ABCC9: variants seen among roughly 807,000 people sequenced by gnomAD.
The protein encoded by ABCC9 is ATP binding cassette subfamily C member 9, also known as ATP-binding cassette sub-family C member 9.
A neutral mutation model predicts 188.3 loss-of-function variants in ABCC9; 95 were observed. The ratio of observed to expected loss-of-function variants is 0.50; its 90% CI spans 0.43 to 0.60. The LOEUF is 0.60. ABCC9 is among the 20% of genes least tolerant of loss of function. The pLI is 0.00. For missense variants in ABCC9, 1,102 were observed against 1,876.3 expected, an observed-to-expected ratio of 0.59 and a Z score of 7.62; for synonymous variants, 659 against 652.7, an observed-to-expected ratio of 1.01 and a Z score of -0.15.
chr12:21,938,023 C>T (rs923093864), intron 2 of ABCC9: 6 of 152,164 alleles, frequency 3.9e-5, no homozygotes, highest in Non-Finnish European at 8.8e-5. Context: ...AGTACCTTTT[C>T]TTTCTTTCCT....
chr12:21,805,962 CA>C (rs1941809222), intron 39 of ABCC9, 35 bp downstream of exon 39: 1 of 1,603,242 alleles, frequency 6.2e-7, no homozygotes, highest in African/African-American at 1.3e-5. Flanking sequence ...GAACAAAAAC[CA>C]AAGAGGTATA....
chr12:21,888,414 G>A (rs1946987659), intron 14 of ABCC9, among the ~76,000 whole-genome samples: 1 of 151,944 alleles, frequency 6.6e-6, no homozygotes, highest in Non-Finnish European at 1.5e-5. Context: ...TGGAATCCTT[G>A]GCCACTGTGT....
At chr12:21,890,714 G>C (rs536372792) in intron 14 of ABCC9, among the ~76,000 whole-genome samples, 4 of 151,340 alleles carry the variant, frequency 2.6e-5, no homozygotes, top group African/African-American at 9.7e-5. Context: ...GCAAACTATC[G>C]CAAGGACAAA....
At chr12:21,913,865 C>A (rs568080224) in intron 7 of ABCC9, among the ~76,000 whole-genome samples, 6 of 152,204 alleles carry the variant, frequency 3.9e-5, no homozygotes, top group African/African-American at 1.4e-4. Context: ...CCCTATGCAA[C>A]CCCCTGTTAA....
chr12:21,910,615 T>C (rs546207705), intron 9 of ABCC9, among the ~76,000 whole-genome samples: 1 of 151,954 alleles, frequency 6.6e-6, no homozygotes, highest in South Asian at 2.1e-4. Flanking sequence ...TTTCAAAATA[T>C]TTTTCTTAAC....
rs775448886 is a variant in ABCC9 at position 21,895,327 on chromosome 12, A to C, written c.1619-12T>G. 5.6e-6 allele frequency: 9 copies of C among 1,610,904 alleles called. No individual in the cohort carries two copies. The highest frequency in any genetic ancestry group is 1.7e-5 in the Admixed American group (1 of 59,978). On this transcript the variant is annotated splice_polypyrimidine_tract_variant and intron_variant, in intron 12 of 39. Transcript: ENST00000261200. ...TGCATTCATGAAGACTGTGGAAAGAAATAAAATGCATTAGTTTCATTGAAC... is the reference window on the plus strand; with the variant it reads ...TGCATTCATGAAGACTGTGGAAAGACATAAAATGCATTAGTTTCATTGAAC...
chr12:21,923,956 T>C (rs1341731755), intron 5 of ABCC9: 2 of 582,178 alleles, frequency 3.4e-6, no homozygotes, highest in South Asian at 2.2e-5. Flanking sequence ...CTATGCTACA[T>C]TACGGATGAG....
intron 15 of ABCC9, 50 bp from the exon 16 acceptor site, chr12:21,882,923 G>C: frequency 1.4e-6 from 2 of 1,460,996 alleles, no homozygotes; most frequent in East Asian, 4.5e-5. Context: ...TTAAAAAAAT[G>C]AAGTTTTACT....
intron 18 of ABCC9, among the ~76,000 whole-genome samples, chr12:21,865,979 C>T (rs1246086828): frequency 2.0e-5 from 3 of 151,002 alleles, no homozygotes; most frequent in African/African-American, 7.3e-5. Context: ...AGCAAAGAAC[C>T]AGAGCACCAA....
At chr12:21,827,568 A>ACACACT (rs1943459556) in intron 31 of ABCC9, 1 of 148,990 alleles carries the variant, frequency 6.7e-6, no homozygotes. Context: ...ACACACACAC[A>ACACACT]CACTCACATA....
In ABCC9 at chr12:21,852,431, T is replaced by C. The variant is rs774768881; in HGVS notation, c.2580A>G (p.Gln860=). The part of the protein sequence containing the change: ...LMQEGILKFL[Q]DDKRTLVLVT... Reference sequence around the variant, plus strand: ...CAAGAACGAGTGTCCTTTTGTCATCTTGCAGGAATTTCAAAATCCCCTCCT... The same window carrying C: ...CAAGAACGAGTGTCCTTTTGTCATCCTGCAGGAATTTCAAAATCCCCTCCT... Residue 860 remains glutamine, a synonymous_variant, in exon 23 of 40, where the codon CAA becomes CAG. Transcript: ENST00000261200. The C allele has an allele frequency of 1.9e-6, 3 of 1,613,882 alleles. No individual in the cohort carries two copies. Among genetic ancestry groups the C allele is most frequent in the South Asian group, 1.1e-5 (1 of 91,088 alleles).
intron 31 of ABCC9, among the ~76,000 whole-genome samples, chr12:21,824,011 G>A (rs966753322): frequency 2.0e-5 from 3 of 152,184 alleles, no homozygotes; most frequent in Admixed American, 1.3e-4. Flanking sequence ...TATGAATATG[G>A]TGGGCAAGGC....
At chr12:21,922,828 A>G (rs140043915) in intron 5 of ABCC9, 1 of 148,780 alleles carries the variant, frequency 6.7e-6, no homozygotes, top group African/African-American at 2.5e-5. Flanking sequence ...TAGAATAGCC[A>G]AAGCAAACTT....
At chr12:21,930,349 C>CA (rs1388554672) in intron 4 of ABCC9, among the ~76,000 whole-genome samples, 5 of 152,052 alleles carry the variant, frequency 3.3e-5, no homozygotes, top group African/African-American at 1.2e-4. Context: ...AAAAGTGTAA[C>CA]ACTGCCCAAG....
intron 22 of ABCC9, among the ~76,000 whole-genome samples, chr12:21,854,055 A>G (rs1026405620): frequency 5.3e-5 from 8 of 152,226 alleles, no homozygotes; most frequent in Non-Finnish European, 8.8e-5. Flanking sequence ...ATGCTACTAC[A>G]CACAGGCTAC....
intron 26 of ABCC9, 55 bp downstream of exon 26, chr12:21,845,548 C>A (rs1180344685): frequency 4.3e-6 from 6 of 1,394,198 alleles, no homozygotes; most frequent in Non-Finnish European, 6.1e-6. Flanking sequence ...GAAGGTATCA[C>A]TGTTAATCTC....
chr12:21,911,351 TATACA>T (rs1183233777), intron 8 of ABCC9, among the ~76,000 whole-genome samples: 1 of 152,064 alleles, frequency 6.6e-6, no homozygotes, highest in Non-Finnish European at 1.5e-5. Context: ...ATGGAAGACA[TATACA>T]ATTTTGGTAG....
At chr12:21,842,248 C>CCGTT (rs1374898768) in intron 29 of ABCC9, 66 bp downstream of exon 29, 22 of 1,550,296 alleles carry the variant, frequency 1.4e-5, no homozygotes, top group Non-Finnish European at 1.8e-5. Context: ...GTTGGCAGAA[C>CCGTT]CCATGAATAG....
intron 25 of ABCC9, among the ~76,000 whole-genome samples, chr12:21,846,533 T>A (rs888160805): frequency 6.6e-6 from 1 of 152,202 alleles, no homozygotes; most frequent in African/African-American, 2.4e-5. Context: ...CATACTATAC[T>A]ATATACATAT....
Sources: allele counts gnomAD v4.1 joint callset (sites outside exome capture counted in the v4.1 genomes callset), GRCh38; gene constraint gnomAD v4.1.1; transcripts MANE v1.5; gene names NCBI Gene and HGNC (gene_info 2026-07-23, HGNC 2026-07-21).